Variants in AIG1 observed in about 807,000 individuals in gnomAD.
AIG1 encodes androgen-induced gene 1 protein.
AIG1 carries 23 observed loss-of-function variants against 31.4 expected under a neutral mutation model. The observed-to-expected ratio is 0.73, with a 90% CI of 0.53 to 1.04. The LOEUF is 1.04. Among genes scored for constraint, AIG1 ranks in the 50% least tolerant of loss-of-function variants. The probability of loss-of-function intolerance (pLI) is 0.00; values close to 1 mark genes in which losing one functional copy is unlikely to be tolerated. For synonymous variants in AIG1, 100 were observed against 110.5 expected (o/e 0.90, Z 0.60); for missense variants, 274 against 295.0 (o/e 0.93, Z 0.52).
intron 5 of AIG1, chr6:143,335,187 G>A (rs1777380381): frequency 4.7e-6 from 6 of 1,264,828 alleles, no homozygotes; most frequent in Non-Finnish European, 6.1e-6. Flanking sequence ...TACCTATCAA[G>A]TTCTGTTAGG....
chr6:143,305,855 A>C (rs1259261195), intron 4 of AIG1, among the ~76,000 whole-genome samples: 2 of 151,878 alleles, frequency 1.3e-5, no homozygotes, highest in African/African-American at 2.4e-5. Context: ...ATTGTGTGGG[A>C]GTCTAAGTCT....
At chr6:143,087,705 T>G (rs1778932855) in intron 1 of AIG1, among the ~76,000 whole-genome samples, 1 of 151,982 alleles carries the variant, frequency 6.6e-6, no homozygotes, top group Admixed American at 6.6e-5. Context: ...CCAAAAGGGG[T>G]TGCCCTTAGG....
chr6:143,320,994 A>T (rs1040663423), intron 4 of AIG1, among the ~76,000 whole-genome samples: 3 of 151,746 alleles, frequency 2.0e-5, no homozygotes, highest in African/African-American at 7.3e-5. Context: ...CTAATTTTGT[A>T]TTTTTAGTAG....
At chr6:143,162,747 A>G (rs188076593) in intron 2 of AIG1, among the ~76,000 whole-genome samples, 78 of 152,274 alleles carry the variant, frequency 5.1e-4, no homozygotes, top group African/African-American at 1.8e-3. Flanking sequence ...ACCACCCCTC[A>G]GGTTAAGGCA....
intron 3 of AIG1, among the ~76,000 whole-genome samples, chr6:143,182,902 A>C (rs1788867136): frequency 6.6e-6 from 1 of 152,218 alleles, no homozygotes; most frequent in Admixed American, 6.5e-5. Context: ...CAGAGAATAC[A>C]ACCTCAAAGC....
intron 3 of AIG1, among the ~76,000 whole-genome samples, chr6:143,215,821 T>G (rs1791983265): frequency 6.6e-6 from 1 of 152,196 alleles, no homozygotes. Flanking sequence ...AAGGCAGTGG[T>G]TAGTAAACCT....
chr6:143,080,310 G>A (rs947785956), intron 1 of AIG1, among the ~76,000 whole-genome samples: 1 of 152,180 alleles, frequency 6.6e-6, no homozygotes, highest in African/African-American at 2.4e-5. Flanking sequence ...GGGGTCCGCG[G>A]TAGATCTTAG....
chr6:143,096,485 G>C (rs1779806091), intron 1 of AIG1, among the ~76,000 whole-genome samples: 1 of 152,188 alleles, frequency 6.6e-6, no homozygotes, highest in African/African-American at 2.4e-5. Flanking sequence ...GGCCTATCTA[G>C]CATGAGAGTG....
At chr6:143,081,576 G>A (rs985932387) in intron 1 of AIG1, among the ~76,000 whole-genome samples, 4 of 151,560 alleles carry the variant, frequency 2.6e-5, no homozygotes, top group Admixed American at 2.6e-4. Context: ...TAAGGCAGGG[G>A]ATTATTTCTT....
intron 2 of AIG1, among the ~76,000 whole-genome samples, chr6:143,163,076 G>A (rs1786560139): frequency 6.6e-6 from 1 of 152,132 alleles, no homozygotes; most frequent in Admixed American, 6.5e-5. Context: ...CTGGGATCCT[G>A]CATATTTAAA....
chr6:143,077,921 A>T (rs996826287), intron 1 of AIG1, among the ~76,000 whole-genome samples: 5 of 152,212 alleles, frequency 3.3e-5, no homozygotes, highest in African/African-American at 9.7e-5. Context: ...CTATCTACTG[A>T]TGAGGATCCT....
chr6:143,299,036 G>A lies in AIG1; in HGVS notation c.515+14811G>A, dbSNP rs781325987. The stretch of plus-strand genomic sequence containing the variant: ...AATATAAGCATCACATCTCATGGGT[G>A]ACATGGAAGTGCTATCTTGAGTGCC... On this transcript the variant is annotated intron_variant, in intron 4 of 5. Coordinates refer to ENST00000357847, the MANE Select transcript of AIG1 (RefSeq NM_016108.4). This position sits in a 1 kb window ranked among gnomAD's most constrained non-coding sequence, Gnocchi z 4.1. The A allele has an allele frequency of 6.6e-6, 1 of 152,184 alleles. No individual in the cohort carries two copies. The highest frequency in any genetic ancestry group is 1.5e-5 in the Non-Finnish European group (1 of 68,052). The allele number at this position is 152,184 out of a possible 1,614,324, so 9.4% of individuals were successfully genotyped here. A position where few individuals can be genotyped will look rare whatever the true frequency, so the allele number is the denominator to read the frequency against.
At chr6:143,078,148 A>G (rs1028190672) in intron 1 of AIG1, among the ~76,000 whole-genome samples, 4 of 152,072 alleles carry the variant, frequency 2.6e-5, no homozygotes, top group African/African-American at 7.2e-5. Flanking sequence ...ACATATTGCT[A>G]TTGCATCCAT....
chr6:143,191,067 A>G (rs184576993), intron 3 of AIG1, among the ~76,000 whole-genome samples: 15 of 152,266 alleles, frequency 9.9e-5, no homozygotes, highest in Middle Eastern at 3.4e-3. Context: ...CTGGGGTTCA[A>G]AAAATGTGGG....
chr6:143,313,300 C>G (rs35502091), intron 4 of AIG1, among the ~76,000 whole-genome samples: 12,332 of 152,172 alleles, frequency 0.081, 901 homozygotes, highest in Admixed American at 0.24. Context: ...TGGAAACAAC[C>G]TATGTGTCCA....
Position 143,334,205 on chromosome 6 carries a change from T to C in AIG1, c.679+760T>C. ...GCACAGACATGTAGTGATTGAGTCC[T>C]GCATGAAAATACATCCAAAGGCAAG... On this transcript the variant is annotated intron_variant, in intron 5 of 5. Coordinates refer to ENST00000357847, the MANE Select transcript of AIG1 (RefSeq NM_016108.4). This position sits in a 1 kb window ranked among gnomAD's most constrained non-coding sequence, Gnocchi z 5.1. 9.3e-7 allele frequency: 1 copy of C among 1,080,626 alleles called. No homozygotes were observed. 66.9% of individuals were successfully genotyped at this position (1,080,626 alleles called of 1,614,324 possible).
At chr6:143,108,490 G>A (rs984355175) in intron 1 of AIG1, among the ~76,000 whole-genome samples, 1 of 152,090 alleles carries the variant, frequency 6.6e-6, no homozygotes, top group Non-Finnish European at 1.5e-5. Context: ...CTGTTTCTAG[G>A]AATAAAAAAC....
At position 143,085,822 on chromosome 6, in the gene AIG1, A is replaced by T. The variant is rs9386022; in HGVS notation, c.141+24756A>T. Among the ~76,000 whole-genome samples, 422 of 152,316 alleles carry T rather than the reference A, an allele frequency of 2.8e-3. 9 individuals are homozygous for T. In the East Asian group the frequency reaches 0.049, roughly 18 times the overall value. Reference sequence around the variant, plus strand: ...TTCTCTCAATCACCCGGGAGGTGCCATCTGTCCTCCTGTCCTGAAGGGAGT... The same window carrying T: ...TTCTCTCAATCACCCGGGAGGTGCCTTCTGTCCTCCTGTCCTGAAGGGAGT... On this transcript the variant is annotated intron_variant, in intron 1 of 5. Coordinates refer to ENST00000357847, the MANE Select transcript of AIG1 (RefSeq NM_016108.4).
rs763727955 is a variant in AIG1 at position 143,333,468 on chromosome 6, T to C, written c.679+23T>C. ...AAAGTAAGTATTGTCTGAGGGAACA[T>C]AAAACAAGAGAATTACTGCCGGCAA... On this transcript the variant is annotated intron_variant, in intron 5 of 5. Transcript: ENST00000357847. The surrounding 1 kb of genome is among the most constrained non-coding windows in gnomAD (Gnocchi z 4.6). 1.9e-6 allele frequency: 3 copies of C among 1,608,076 alleles called. No individual in the cohort carries two copies. Among genetic ancestry groups the C allele is most frequent in the Non-Finnish European group, 2.5e-6 (3 of 1,177,640 alleles).
Sources: gnomAD v4.1 joint callset for allele counts (sites outside exome capture counted in the v4.1 genomes callset) on GRCh38, gnomAD v4.1.1 for gene constraint, Gnocchi (gnomAD v3.1) non-coding constraint, MANE v1.5 for transcripts, NCBI Gene and HGNC (gene_info 2026-07-23, HGNC 2026-07-21) for gene names.